Variants in IMMP2L observed in about 807,000 individuals in gnomAD.
The protein encoded by IMMP2L is inner mitochondrial membrane peptidase subunit 2.
A neutral mutation model predicts 19.3 loss-of-function variants in IMMP2L; 18 were observed. That is an observed-to-expected ratio of 0.93 (90% CI 0.64 to 1.38). IMMP2L has a LOEUF of 1.38. Ranked by LOEUF, IMMP2L falls within the 40% of genes most tolerant of loss-of-function variation. IMMP2L has a pLI of 0.00. For synonymous variants in IMMP2L, 76 were observed against 73.0 expected, an observed-to-expected ratio of 1.04 and a Z score of -0.21; for missense variants, 233 against 218.2, an observed-to-expected ratio of 1.07 and a Z score of -0.43.
chr7:111,307,155 G>C (rs1822974519), intron 3 of IMMP2L, among the ~76,000 whole-genome samples: 2 of 151,392 alleles, frequency 1.3e-5, no homozygotes, highest in Admixed American at 1.3e-4. Flanking sequence ...AGAAAACTTA[G>C]TACCTTACTT....
intron 3 of IMMP2L, among the ~76,000 whole-genome samples, chr7:111,161,554 A>C (rs1805263560): frequency 6.6e-6 from 1 of 151,958 alleles, no homozygotes; most frequent in Non-Finnish European, 1.5e-5. Context: ...AAAAATAGCA[A>C]ATCAGGAAAC....
chr7:111,226,135 C>T (rs558466355), intron 3 of IMMP2L, among the ~76,000 whole-genome samples: 1 of 151,786 alleles, frequency 6.6e-6, no homozygotes, highest in Non-Finnish European at 1.5e-5. Context: ...TCTGTCACTC[C>T]CTAATTGATT....
chr7:111,016,847 AAT>A (rs1585768351), intron 3 of IMMP2L, among the ~76,000 whole-genome samples: 2 of 86,130 alleles, frequency 2.3e-5, no homozygotes, highest in South Asian at 3.2e-4. Context: ...TATTATATAT[AAT>A]ATATATTATA....
chr7:110,974,464 C>G (rs777932838), intron 3 of IMMP2L, among the ~76,000 whole-genome samples: 22 of 152,154 alleles, frequency 1.4e-4, no homozygotes, highest in Non-Finnish European at 3.1e-4. Flanking sequence ...ACCGTATTAC[C>G]TAAAATAAAA....
chr7:111,287,509 A>C (rs1820619100), intron 3 of IMMP2L, among the ~76,000 whole-genome samples: 1 of 151,964 alleles, frequency 6.6e-6, no homozygotes, highest in African/African-American at 2.4e-5. Context: ...TACAGATGTA[A>C]CTTACAGTCT....
chr7:111,400,028 T>C (rs940764264), intron 3 of IMMP2L, among the ~76,000 whole-genome samples: 1 of 152,150 alleles, frequency 6.6e-6, no homozygotes, highest in Non-Finnish European at 1.5e-5. Context: ...TTCTGAGTCC[T>C]TAGTCCCACT....
At chr7:110,818,106 G>A (rs959127886) in intron 5 of IMMP2L, among the ~76,000 whole-genome samples, 243 of 152,152 alleles carry the variant, frequency 1.6e-3, no homozygotes, top group Non-Finnish European at 3.0e-3. Context: ...AGCCAAAATT[G>A]ACAAATGGGA....
At chr7:110,869,696 A>G (rs953994780) in intron 5 of IMMP2L, among the ~76,000 whole-genome samples, 13 of 152,182 alleles carry the variant, frequency 8.5e-5, no homozygotes, top group African/African-American at 3.1e-4. Context: ...GAAAATCTCT[A>G]TTTTTTACAA....
At chr7:111,168,705 T>C (rs781281898) in intron 3 of IMMP2L, among the ~76,000 whole-genome samples, 15 of 151,942 alleles carry the variant, frequency 9.9e-5, no homozygotes, top group Admixed American at 5.3e-4. Context: ...CAAAGCTGTA[T>C]AATATACTCT....
chr7:111,221,839 C>T (rs1812550999), intron 3 of IMMP2L, among the ~76,000 whole-genome samples: 1 of 151,840 alleles, frequency 6.6e-6, no homozygotes, highest in South Asian at 2.1e-4. Context: ...ACGTCTCCTG[C>T]CAGATACTGA....
chr7:111,038,234 T>C (rs1278330707), intron 3 of IMMP2L, among the ~76,000 whole-genome samples: 4 of 152,146 alleles, frequency 2.6e-5, no homozygotes, highest in Non-Finnish European at 5.9e-5. Context: ...ATTTTTATTT[T>C]TATAAAATCT....
intron 3 of IMMP2L, among the ~76,000 whole-genome samples, chr7:111,051,699 G>A (rs1387485332): frequency 6.6e-6 from 1 of 152,100 alleles, no homozygotes; most frequent in Non-Finnish European, 1.5e-5. Flanking sequence ...ATTCATGGAA[G>A]GCACCATTTT....
intron 3 of IMMP2L, among the ~76,000 whole-genome samples, chr7:111,070,650 T>G (rs1224428665): frequency 6.6e-6 from 1 of 152,032 alleles, no homozygotes; most frequent in African/African-American, 2.4e-5. Flanking sequence ...CCCTAGTGAG[T>G]TGAAATCACT....
chr7:111,545,521 G>A (rs1416993742), intron 1 of IMMP2L, among the ~76,000 whole-genome samples: 1 of 152,096 alleles, frequency 6.6e-6, no homozygotes, highest in African/African-American at 2.4e-5. Flanking sequence ...CTCCTGAGTA[G>A]CTGGGATTAC....
chr7:110,871,460 C>G (rs1444178390), intron 5 of IMMP2L, among the ~76,000 whole-genome samples: 4 of 151,990 alleles, frequency 2.6e-5, no homozygotes, highest in South Asian at 2.1e-4. Context: ...TATTTGGGTT[C>G]AAGGAAGCTA....
intron 3 of IMMP2L, among the ~76,000 whole-genome samples, chr7:111,013,199 T>A (rs1825157570): frequency 6.6e-6 from 1 of 152,146 alleles, no homozygotes; most frequent in African/African-American, 2.4e-5. Context: ...AAAGACCTTA[T>A]AAGCCACGAT....
At chr7:111,402,604 G>A (rs1480006412) in intron 3 of IMMP2L, among the ~76,000 whole-genome samples, 26 of 151,894 alleles carry the variant, frequency 1.7e-4, no homozygotes, top group African/African-American at 2.9e-4. Flanking sequence ...CCAGCTACTC[G>A]AGAGGCTAAG....
intron 4 of IMMP2L, among the ~76,000 whole-genome samples, chr7:110,953,698 G>A (rs72494501): frequency 0.45 from 68,664 of 151,856 alleles, 17,309 homozygotes; most frequent in Non-Finnish European, 0.58. Context: ...ATGGGATTGC[G>A]GGTCAAATAG....
chr7:111,534,506 G>T (rs763988841), intron 1 of IMMP2L, among the ~76,000 whole-genome samples: 20 of 151,920 alleles, frequency 1.3e-4, no homozygotes, highest in Non-Finnish European at 5.9e-5. Context: ...CCAAAATGAT[G>T]ACAGTATTTA....
Sources: gnomAD v4.1 joint callset for allele counts (sites outside exome capture counted in the v4.1 genomes callset) on GRCh38, gnomAD v4.1.1 for gene constraint, MANE v1.5 for transcripts, NCBI Gene and HGNC (gene_info 2026-07-23, HGNC 2026-07-21) for gene names.